NOS1AP: variants seen among roughly 807,000 people sequenced by gnomAD.
NOS1AP encodes nitric oxide synthase 1 adaptor protein, also known as carboxyl-terminal PDZ ligand of neuronal nitric oxide synthase protein.
A neutral mutation model predicts 56.2 loss-of-function variants in NOS1AP; 21 were observed. The ratio of observed to expected loss-of-function variants is 0.37; its 90% CI spans 0.26 to 0.54. The LOEUF (loss-of-function observed/expected upper bound fraction) is 0.54, where lower values mean the gene tolerates loss of function less well. NOS1AP is among the 20% of genes least tolerant of loss of function. The pLI is 0.84. For synonymous variants in NOS1AP, 270 were observed against 274.6 expected, an observed-to-expected ratio of 0.98 and a Z score of 0.17; for missense variants, 522 against 657.8, an observed-to-expected ratio of 0.79 and a Z score of 2.26.
Position 162,324,416 on chromosome 1 carries a change from C to CTTTTTT in NOS1AP, c.345-8578_345-8573dup, listed in dbSNP as rs35946766. The stretch of plus-strand genomic sequence containing the variant: ...TAGTGGTTTTGTGAGGGACACTAGC[C>CTTTTTT]TTTTTTTTTTTTTTTTTTTTTTTTT... On this transcript the variant is annotated intron_variant, in intron 4 of 9. Coordinates refer to ENST00000361897, the MANE Select transcript of NOS1AP (RefSeq NM_014697.3). 7.8e-4 allele frequency among the ~76,000 whole-genome samples: 56 copies of CTTTTTT among 72,142 alleles called. 8 individuals carry two copies. Among genetic ancestry groups the CTTTTTT allele is most frequent in the African/African-American group, 2.1e-3 (42 of 20,244 alleles). The allele number at this position is 72,142 out of a possible 152,430, so 47.3% of individuals were successfully genotyped here. A position where few individuals can be genotyped will look rare whatever the true frequency, so the allele number is the denominator to read the frequency against.
chr1:162,150,667 G>A (rs1329711668), intron 1 of NOS1AP, among the ~76,000 whole-genome samples: 1 of 152,146 alleles, frequency 6.6e-6, no homozygotes, highest in Admixed American at 6.5e-5. Flanking sequence ...TAACTGGGGT[G>A]AAAGATATCT....
At chr1:162,273,485 G>A (rs1654648978) in intron 2 of NOS1AP, among the ~76,000 whole-genome samples, 2 of 152,050 alleles carry the variant, frequency 1.3e-5, no homozygotes, top group African/African-American at 4.8e-5. Context: ...TTCTTGACCT[G>A]GGAACAGTTA....
intron 2 of NOS1AP, among the ~76,000 whole-genome samples, chr1:162,280,536 A>G (rs1654889373): frequency 6.6e-6 from 1 of 152,248 alleles, no homozygotes; most frequent in Non-Finnish European, 1.5e-5. Context: ...TCTGCTGAAT[A>G]AACATTTCTA....
At chr1:162,190,276 C>A (rs1398839318) in intron 2 of NOS1AP, among the ~76,000 whole-genome samples, 3 of 152,220 alleles carry the variant, frequency 2.0e-5, no homozygotes, top group Non-Finnish European at 2.9e-5. Context: ...CTAAACATCT[C>A]TAGTTTTATC....
In NOS1AP at chr1:162,369,982, A is replaced by G. The variant is rs1647342903; in HGVS notation, c.*2515A>G. 6.6e-6 allele frequency: 1 copy of G among 152,502 alleles called. No homozygotes were observed. Among genetic ancestry groups the G allele is most frequent in the Non-Finnish European group, 1.5e-5 (1 of 68,310 alleles). The allele number at this position is 152,502 out of a possible 1,614,324, so 9.4% of individuals were successfully genotyped here. Reference sequence around the variant, plus strand: ...CTCCCTCCTTGCTTCTTGCTCTGCTAACTCAACTCTGCCTTCCTCTTTTTC... The same window carrying G: ...CTCCCTCCTTGCTTCTTGCTCTGCTGACTCAACTCTGCCTTCCTCTTTTTC... On this transcript the variant is annotated 3_prime_UTR_variant, in exon 10 of 10. Transcript: ENST00000361897.
chr1:162,119,362 C>G (rs1161750889), intron 1 of NOS1AP, among the ~76,000 whole-genome samples: 1 of 152,314 alleles, frequency 6.6e-6, no homozygotes, highest in East Asian at 1.9e-4. Context: ...GAAGGATTTA[C>G]TACACAGACA....
At chr1:162,351,929 G>C (rs1242471274) in intron 6 of NOS1AP, among the ~76,000 whole-genome samples, 2 of 152,142 alleles carry the variant, frequency 1.3e-5, no homozygotes, top group African/African-American at 4.8e-5. Context: ...GTTCCTAAGG[G>C]CCACCTTTCT....
intron 4 of NOS1AP, among the ~76,000 whole-genome samples, chr1:162,332,747 G>T (rs928794778): frequency 6.6e-6 from 1 of 152,186 alleles, no homozygotes; most frequent in African/African-American, 2.4e-5. Context: ...GGACAGATTT[G>T]CCACCTCAGG....
intron 5 of NOS1AP, among the ~76,000 whole-genome samples, chr1:162,340,524 C>G (rs1036752527): frequency 6.6e-6 from 1 of 152,220 alleles, no homozygotes; most frequent in Admixed American, 6.5e-5. Context: ...TTAATTGCCT[C>G]TTGGTGCAGT....
intron 5 of NOS1AP, among the ~76,000 whole-genome samples, chr1:162,341,338 G>A (rs559906866): frequency 3.2e-4 from 49 of 152,212 alleles, no homozygotes; most frequent in African/African-American, 1.2e-3. Context: ...TTTTAAAGGG[G>A]GAACTGTATT....
At chr1:162,106,177 T>A (rs1647500873) in intron 1 of NOS1AP, among the ~76,000 whole-genome samples, 1 of 152,162 alleles carries the variant, frequency 6.6e-6, no homozygotes, top group Admixed American at 6.5e-5. Context: ...AAGCATGGTT[T>A]CCCAGGCAGG....
intron 6 of NOS1AP, among the ~76,000 whole-genome samples, chr1:162,354,305 A>C (rs1657620288): frequency 1.3e-5 from 2 of 152,252 alleles, no homozygotes; most frequent in African/African-American, 4.8e-5. Context: ...ACCTAATTGC[A>C]AATATAGAAA....
At chr1:162,272,602 C>G (rs1654617127) in intron 2 of NOS1AP, among the ~76,000 whole-genome samples, 1 of 152,210 alleles carries the variant, frequency 6.6e-6, no homozygotes, top group Non-Finnish European at 1.5e-5. Context: ...AGCTGCCACC[C>G]TGCAGGCCTT....
At chr1:162,342,185 G>T (rs1408357583) in intron 5 of NOS1AP, among the ~76,000 whole-genome samples, 1 of 152,202 alleles carries the variant, frequency 6.6e-6, no homozygotes, top group Admixed American at 6.5e-5. Flanking sequence ...CTTCGCTTAA[G>T]GTTCTTATCT....
intron 2 of NOS1AP, among the ~76,000 whole-genome samples, chr1:162,228,562 G>T (rs1396647586): frequency 6.6e-6 from 1 of 152,186 alleles, no homozygotes; most frequent in East Asian, 1.9e-4. Context: ...GAGGGGCCTG[G>T]TGAACCCCCT....
At chr1:162,363,044 G>A (rs1181580704) in intron 8 of NOS1AP, 4 of 247,436 alleles carry the variant, frequency 1.6e-5, no homozygotes, top group Non-Finnish European at 2.6e-5. Flanking sequence ...TCTGCAGAGG[G>A]CACACAGTGT....
chr1:162,168,726 C>T (rs147907367), intron 2 of NOS1AP, among the ~76,000 whole-genome samples: 3 of 152,200 alleles, frequency 2.0e-5, no homozygotes, highest in South Asian at 4.2e-4. Flanking sequence ...TCTTTCCTTC[C>T]TCCCTTTCTT....
intron 3 of NOS1AP, among the ~76,000 whole-genome samples, chr1:162,298,238 G>A (rs1655534901): frequency 6.6e-6 from 1 of 152,204 alleles, no homozygotes; most frequent in Non-Finnish European, 1.5e-5. Context: ...AGGGTGCCAG[G>A]CTCATCTTCC....
At chr1:162,344,241 AAAG>A (rs1408254739) in intron 6 of NOS1AP, among the ~76,000 whole-genome samples, 1 of 152,200 alleles carries the variant, frequency 6.6e-6, no homozygotes, top group East Asian at 1.9e-4. Context: ...ATCTGACTTC[AAAG>A]AAGTTTTCAG....
Sources: gnomAD v4.1 joint callset for allele counts (sites outside exome capture counted in the v4.1 genomes callset) on GRCh38, gnomAD v4.1.1 for gene constraint, MANE v1.5 for transcripts, NCBI Gene and HGNC (gene_info 2026-07-23, HGNC 2026-07-21) for gene names.